The following SNUPN variants were observed in gnomAD, a reference collection of about 807,000 sequenced individuals.
SNUPN encodes the protein snurportin-1.
SNUPN carries 31 observed loss-of-function variants against 39.2 expected under a neutral mutation model. The ratio of observed to expected loss-of-function variants is 0.79; its 90% CI spans 0.59 to 1.07. SNUPN has a LOEUF of 1.07. SNUPN is among the 50% of genes least tolerant of loss of function. SNUPN has a pLI of 0.00. For synonymous variants in SNUPN, 132 were observed against 159.0 expected, an observed-to-expected ratio of 0.83 and a Z score of 1.28; for missense variants, 382 against 434.2, an observed-to-expected ratio of 0.88 and a Z score of 1.07.
chr15:75,605,220 A>C lies in SNUPN; in HGVS notation c.608T>G (p.Phe203Cys). The stretch of plus-strand genomic sequence containing the variant: ...CTTTGAATGCATCCAGTAGAATCGG[A>C]AATCAGTCTGCCACAGAGAAGGGAA... ...GHPFYDCQTD[F>C]RFYWMHSKLP... The change falls in exon 7 of 9, where the codon TTC becomes TGC. Residue 203 changes from phenylalanine (F) to cysteine (C), a missense_variant. Coordinates refer to ENST00000308588, the MANE Select transcript of SNUPN (RefSeq NM_005701.4). The C allele has an allele frequency of 1.2e-6, 2 of 1,611,566 alleles. No individual in the cohort carries two copies. Among genetic ancestry groups the C allele is most frequent in the Middle Eastern group, 1.6e-4 (1 of 6,062 alleles).
chr15:75,607,501 T>C (rs1364084190), intron 5 of SNUPN, among the ~76,000 whole-genome samples, 188 bp from the exon 6 acceptor site: 1 of 152,130 alleles, frequency 6.6e-6, no homozygotes, highest in Non-Finnish European at 1.5e-5. Flanking sequence ...TACAGCTTCA[T>C]GGTGACTCAG....
chr15:75,620,813 G>T (rs533786492), intron 2 of SNUPN, 81 bp downstream of exon 2: 3 of 1,266,642 alleles, frequency 2.4e-6, no homozygotes, highest in African/African-American at 3.0e-5. Flanking sequence ...GGGAGAGTCT[G>T]TAGAGACAAG....
chr15:75,615,594 A>ATTTTTTTTTTTTT (rs141302808), intron 3 of SNUPN, among the ~76,000 whole-genome samples: 1 of 73,974 alleles, frequency 1.4e-5, no homozygotes, highest in African/African-American at 5.2e-5. Flanking sequence ...AAGGAATCTC[A>ATTTTTTTTTTTTT]TTTTTTTTTT....
intron 1 of SNUPN, among the ~76,000 whole-genome samples, chr15:75,623,916 C>A (rs1893142192): frequency 6.8e-6 from 1 of 147,186 alleles, no homozygotes; most frequent in African/African-American, 2.5e-5. Context: ...TGAAAGCTTT[C>A]ATGATAAAAT....
At chr15:75,602,057 T>G (rs889003067) in intron 7 of SNUPN, among the ~76,000 whole-genome samples, 1 of 152,050 alleles carries the variant, frequency 6.6e-6, no homozygotes, top group Non-Finnish European at 1.5e-5. Flanking sequence ...CCTTCTTTTA[T>G]CCACAAGAAT....
intron 1 of SNUPN, among the ~76,000 whole-genome samples, chr15:75,621,864 C>T (rs1258767678): frequency 1.3e-5 from 2 of 150,290 alleles, no homozygotes; most frequent in African/African-American, 2.5e-5. Flanking sequence ...GGTGAAACCC[C>T]GTCTCTACTA....
intron 7 of SNUPN, 59 bp from the exon 8 acceptor site, chr15:75,601,277 T>G: frequency 8.0e-7 from 1 of 1,248,024 alleles, no homozygotes; most frequent in Non-Finnish European, 1.2e-6. Context: ...GCCCAAGCAA[T>G]TGAAAATCTC....
chr15:75,610,039 A>C (rs753358230), intron 3 of SNUPN, 45 bp from the exon 4 acceptor site: 2 of 1,432,954 alleles, frequency 1.4e-6, no homozygotes, highest in East Asian at 4.5e-5. Context: ...GGGGTGTGCT[A>C]CTCGAAAGTC....
chr15:75,598,920 C>T (rs1225544528), intron 8 of SNUPN, among the ~76,000 whole-genome samples: 1 of 152,040 alleles, frequency 6.6e-6, no homozygotes, highest in Middle Eastern at 3.2e-3. Context: ...ATAATTCCAG[C>T]ACTTTGGAGG....
Position 75,598,171 on chromosome 15 carries a change from G to A in SNUPN, c.*187C>T, listed in dbSNP as rs1415185791. The A allele has an allele frequency of 1.4e-5, 8 of 564,154 alleles. No homozygotes were observed. The highest frequency in any genetic ancestry group is 9.3e-4 in the Middle Eastern group (2 of 2,152). The allele number at this position is 564,154 out of a possible 1,614,324, so 34.9% of individuals were successfully genotyped here. A position where few individuals can be genotyped will look rare whatever the true frequency, so the allele number is the denominator to read the frequency against. On this transcript the variant is annotated 3_prime_UTR_variant, in exon 9 of 9. Coordinates refer to ENST00000308588, the MANE Select transcript of SNUPN (RefSeq NM_005701.4). ...CTGCTCAAATCAATCTGAATGCTAC[G>A]CAATCTGGGAACCTCCCCATAACTG...
chr15:75,624,234 A>C (rs1490370293), intron 1 of SNUPN, among the ~76,000 whole-genome samples: 2 of 151,450 alleles, frequency 1.3e-5, no homozygotes, highest in African/African-American at 2.4e-5. Flanking sequence ...GCCGATAAAA[A>C]TTTTTAAAAA....
At chr15:75,612,553 A>T (rs1224174701) in intron 3 of SNUPN, among the ~76,000 whole-genome samples, 1 of 151,770 alleles carries the variant, frequency 6.6e-6, no homozygotes, top group East Asian at 1.9e-4. Context: ...TTAGGGGTGG[A>T]TCTCATCTAT....
intron 5 of SNUPN, among the ~76,000 whole-genome samples, 176 bp downstream of exon 5, chr15:75,609,382 G>T (rs1030025128): frequency 2.6e-5 from 4 of 151,694 alleles, no homozygotes; most frequent in Non-Finnish European, 5.9e-5. Context: ...GTAGAGACGG[G>T]GTTTCACCTT....
intron 3 of SNUPN, among the ~76,000 whole-genome samples, chr15:75,613,294 T>C (rs1450276813): frequency 2.0e-5 from 3 of 146,924 alleles, no homozygotes; most frequent in Non-Finnish European, 4.5e-5. Context: ...AGCAAAGGAT[T>C]TGAATAGACA....
At chr15:75,610,773 T>G (rs778733203) in intron 3 of SNUPN, among the ~76,000 whole-genome samples, 4 of 152,172 alleles carry the variant, frequency 2.6e-5, no homozygotes, top group Admixed American at 2.0e-4. Flanking sequence ...AAATCTGTCT[T>G]AAAAAACGAA....
At chr15:75,620,789 G>T in intron 2 of SNUPN, 105 bp downstream of exon 2, 2 of 1,001,996 alleles carry the variant, frequency 2.0e-6, no homozygotes, top group Non-Finnish European at 3.0e-6. Context: ...AGCCTACAAA[G>T]AGTCTACTTT....
intron 3 of SNUPN, among the ~76,000 whole-genome samples, chr15:75,616,885 G>T (rs1892952066): frequency 1.3e-5 from 2 of 152,200 alleles, no homozygotes; most frequent in Non-Finnish European, 2.9e-5. Context: ...TGGCTGGTCT[G>T]GGGTGGCTGG....
Position 75,613,119 on chromosome 15 carries a change from C to T in SNUPN, c.304-3125G>A, listed in dbSNP as rs184074062. Among the ~76,000 whole-genome samples the T allele has an allele frequency of 6.3e-3, 950 of 151,780 alleles. 13 individuals carry two copies. Among genetic ancestry groups the T allele is most frequent in the African/African-American group, 0.021 (890 of 41,412 alleles). On this transcript the variant is annotated intron_variant, in intron 3 of 8. Transcript: ENST00000308588. ...GAAAATACAAAAAAAATTAGCCGGGCGCGGTGGCGGGCACCTGTAGTCCCA... is the reference window on the plus strand; with the variant it reads ...GAAAATACAAAAAAAATTAGCCGGGTGCGGTGGCGGGCACCTGTAGTCCCA...
intron 3 of SNUPN, among the ~76,000 whole-genome samples, chr15:75,615,391 A>G (rs1892896640): frequency 6.6e-6 from 1 of 151,994 alleles, no homozygotes; most frequent in Admixed American, 6.6e-5. Flanking sequence ...CTGGCCTGCA[A>G]ACTGCTCCCG....
Sources: allele counts gnomAD v4.1 joint callset (sites outside exome capture counted in the v4.1 genomes callset), GRCh38; gene constraint gnomAD v4.1.1; transcripts MANE v1.5; gene names NCBI Gene and HGNC (gene_info 2026-07-23, HGNC 2026-07-21).